Variants in CDH13 observed in about 807,000 individuals in gnomAD.
CDH13 encodes the protein cadherin-13.
Under a neutral mutation model 63.8 loss-of-function variants are expected in CDH13, and 24 were observed. The observed-to-expected ratio is 0.38, with a 90% CI of 0.27 to 0.53. The LOEUF (loss-of-function observed/expected upper bound fraction) is 0.53. CDH13 is among the 20% of genes least tolerant of loss of function. The pLI, the probability that CDH13 is intolerant of heterozygous loss-of-function variation, is 0.85. For missense variants in CDH13, 1,049 were observed against 903.1 expected, an observed-to-expected ratio of 1.16 and a Z score of -2.07; for synonymous variants, 503 against 355.3, an observed-to-expected ratio of 1.42 and a Z score of -4.67.
chr16:83,698,188 A>C (rs1298171058), intron 10 of CDH13, among the ~76,000 whole-genome samples: 1 of 152,252 alleles, frequency 6.6e-6, no homozygotes, highest in Non-Finnish European at 1.5e-5. Context: ...ACTGTACAGG[A>C]CTGTAGTGTG....
At chr16:82,821,333 G>A (rs1432108340) in intron 1 of CDH13, among the ~76,000 whole-genome samples, 2 of 152,152 alleles carry the variant, frequency 1.3e-5, no homozygotes, top group Non-Finnish European at 2.9e-5. Flanking sequence ...TATAATATTG[G>A]CATAAGGCTA....
At chr16:83,146,602 C>T (rs778294383) in intron 4 of CDH13, among the ~76,000 whole-genome samples, 2 of 152,218 alleles carry the variant, frequency 1.3e-5, no homozygotes, top group Non-Finnish European at 2.9e-5. Flanking sequence ...AAACTTTGAG[C>T]AGTTATATGT....
intron 1 of CDH13, among the ~76,000 whole-genome samples, chr16:82,793,961 G>A (rs950071813): frequency 6.6e-6 from 1 of 152,010 alleles, no homozygotes; most frequent in Non-Finnish European, 1.5e-5. Flanking sequence ...TTACTGGGTG[G>A]AAATAGCCTG....
chr16:82,712,268 G>C (rs2032008209), intron 1 of CDH13, among the ~76,000 whole-genome samples: 1 of 152,026 alleles, frequency 6.6e-6, no homozygotes, highest in African/African-American at 2.4e-5. Context: ...TTAAAGGCTG[G>C]TGTAATTTAG....
chr16:83,466,581 C>T (rs1873141), intron 6 of CDH13, among the ~76,000 whole-genome samples: 2 of 152,310 alleles, frequency 1.3e-5, no homozygotes, highest in African/African-American at 2.4e-5. Context: ...ACCTGGCAAC[C>T]TTCATCAACC....
At chr16:82,724,336 T>C (rs993258734) in intron 1 of CDH13, among the ~76,000 whole-genome samples, 1 of 152,140 alleles carries the variant, frequency 6.6e-6, no homozygotes, top group Non-Finnish European at 1.5e-5. Context: ...TTATTAATAA[T>C]AGTTGTCTTT....
Position 83,293,938 on chromosome 16 carries a change from A to G in CDH13, c.637-50924A>G, listed in dbSNP as rs577927938. On this transcript the variant is annotated intron_variant, in intron 5 of 13. Transcript: ENST00000567109. ...ATTATCTCATTTAACTCCCATGATA[A>G]CTTTTCATACAGGTATTATTGTTGC... Among the ~76,000 whole-genome samples the G allele has an allele frequency of 3.3e-4, 50 of 152,292 alleles. No homozygotes were observed. In the South Asian group the frequency reaches 1.0e-2, roughly 30 times the overall value.
rs377406064 is a variant in CDH13, at chr16:83,589,076, T to A, written c.961-13378T>A. Among the ~76,000 whole-genome samples, 6 of 152,016 alleles carry A rather than the reference T, an allele frequency of 3.9e-5. No individual in the cohort carries two copies. In the East Asian group the frequency reaches 1.2e-3, roughly 29 times the overall value. On this transcript the variant is annotated intron_variant, in intron 7 of 13. Coordinates refer to ENST00000567109, the MANE Select transcript of CDH13 (RefSeq NM_001257.5). ...AAGTCTCACTGGGCCAAAACCGAGG[T>A]GTCAGCAGGTCTGGATTATTTGTGA... is the stretch of plus-strand genomic sequence containing the variant.
intron 1 of CDH13, chr16:82,844,756 C>T (rs1261165646): frequency 6.8e-6 from 1 of 147,896 alleles, no homozygotes; most frequent in Admixed American, 6.7e-5. Context: ...TCTCCTGCCT[C>T]AGCCTCCTGA....
chr16:83,508,386 C>T (rs188269015), intron 7 of CDH13: 4 of 154,470 alleles, frequency 2.6e-5, no homozygotes, highest in African/African-American at 9.6e-5. Flanking sequence ...CCCTTCGATG[C>T]TTGGGTTGGA....
intron 6 of CDH13, among the ~76,000 whole-genome samples, chr16:83,449,810 C>G (rs981731265): frequency 1.3e-5 from 2 of 152,164 alleles, no homozygotes; most frequent in Admixed American, 6.5e-5. Flanking sequence ...GGGACGTACT[C>G]TGCTGGTTTG....
chr16:83,708,879 C>G (rs1410367793), intron 10 of CDH13, among the ~76,000 whole-genome samples: 1 of 151,992 alleles, frequency 6.6e-6, no homozygotes, highest in Non-Finnish European at 1.5e-5. Flanking sequence ...CAAAAATTAG[C>G]TGAGTGTGGT....
intron 1 of CDH13, among the ~76,000 whole-genome samples, chr16:82,740,396 C>T (rs547794116): frequency 1.9e-3 from 295 of 152,294 alleles, no homozygotes; most frequent in African/African-American, 6.8e-3. Flanking sequence ...TAATGTACAG[C>T]GTATTAGCCC....
chr16:82,800,462 A>T (rs2036796010), intron 1 of CDH13, among the ~76,000 whole-genome samples: 1 of 152,220 alleles, frequency 6.6e-6, no homozygotes, highest in East Asian at 1.9e-4. Flanking sequence ...TGGAACAGAG[A>T]TCAGGGAGTG....
intron 6 of CDH13, among the ~76,000 whole-genome samples, chr16:83,351,067 C>A (rs759447582): frequency 1.3e-5 from 2 of 152,146 alleles, no homozygotes; most frequent in African/African-American, 4.8e-5. Flanking sequence ...CTAGCTCAGC[C>A]GATGGTGTTC....
chr16:83,218,929 C>A (rs904469961), intron 5 of CDH13, among the ~76,000 whole-genome samples: 1 of 152,124 alleles, frequency 6.6e-6, no homozygotes, highest in Non-Finnish European at 1.5e-5. Context: ...GCTTTCTTGC[C>A]CACCGTGTAA....
chr16:83,741,185 G>A (rs1433501430), intron 10 of CDH13, among the ~76,000 whole-genome samples: 2 of 152,136 alleles, frequency 1.3e-5, no homozygotes, highest in Non-Finnish European at 2.9e-5. Context: ...TTTGAAATAT[G>A]CCCTTTACTT....
chr16:83,253,033 C>G (rs1225021712), intron 5 of CDH13, among the ~76,000 whole-genome samples: 1 of 152,080 alleles, frequency 6.6e-6, no homozygotes, highest in Non-Finnish European at 1.5e-5. Context: ...GCGTGCCAAA[C>G]CCTTAGCACA....
At chr16:82,803,838 G>T (rs1452160667) in intron 1 of CDH13, among the ~76,000 whole-genome samples, 2 of 152,210 alleles carry the variant, frequency 1.3e-5, no homozygotes, top group Non-Finnish European at 2.9e-5. Flanking sequence ...TTATTGCTCA[G>T]TGGGTATAAA....
Sources: allele counts gnomAD v4.1 joint callset (sites outside exome capture counted in the v4.1 genomes callset), GRCh38; gene constraint gnomAD v4.1.1; transcripts MANE v1.5; gene names NCBI Gene and HGNC (gene_info 2026-07-23, HGNC 2026-07-21).